The following EDA variants were observed in gnomAD, a reference collection of about 807,000 sequenced individuals.
The protein encoded by EDA is ectodysplasin A.
A neutral mutation model predicts 23.6 loss-of-function variants in EDA; 2 were observed. The observed-to-expected ratio is 0.08, with a 90% CI of 0.03 to 0.27. The LOEUF is 0.27. Ranked by LOEUF, EDA falls within the 10% of genes least tolerant of loss-of-function variation. EDA has a pLI of 1.00. For missense variants in EDA, 229 were observed against 324.2 expected (o/e 0.71, Z 2.26); for synonymous variants, 131 against 132.0 (o/e 0.99, Z 0.05).
At chrX:70,029,170 G>A (rs2020164231) in intron 4 of EDA, among the ~76,000 whole-genome samples, 1 of 112,856 alleles carries the variant, frequency 8.9e-6, no homozygotes, top group Admixed American at 9.3e-5. Flanking sequence ...CAAAACACTA[G>A]AGAAGCCAAT....
intron 1 of EDA, among the ~76,000 whole-genome samples, chrX:69,715,065 T>C (rs1602327252): frequency 5.2e-4 from 1 of 1,933 alleles, no homozygotes; most frequent in Non-Finnish European, 1.6e-3. Flanking sequence ...TTTCAACCCA[T>C]TTTTTTTTTT....
chrX:69,768,276 G>A (rs2014528915), intron 1 of EDA, among the ~76,000 whole-genome samples: 2 of 111,708 alleles, frequency 1.8e-5, no homozygotes, highest in South Asian at 7.4e-4. Flanking sequence ...ACAAACCTAA[G>A]TACATTGAGA....
At chrX:69,753,213 T>A (rs982671481) in intron 1 of EDA, among the ~76,000 whole-genome samples, 3 of 112,117 alleles carry the variant, frequency 2.7e-5, no homozygotes, top group African/African-American at 9.7e-5. Context: ...TGTGGTCATT[T>A]AGTGCTATGA....
chrX:70,024,570 G>GT (rs2020082528), intron 3 of EDA, among the ~76,000 whole-genome samples: 1 of 112,765 alleles, frequency 8.9e-6, no homozygotes, highest in Non-Finnish European at 1.9e-5. Flanking sequence ...CTGCTACCTT[G>GT]TGTACGGGAC....
intron 1 of EDA, among the ~76,000 whole-genome samples, chrX:69,659,627 G>A (rs771017141): frequency 1.8e-5 from 2 of 112,095 alleles, no homozygotes; most frequent in Non-Finnish European, 3.8e-5. Context: ...GAAAGTGTGC[G>A]TAATGCCCTT....
At chrX:69,768,895 G>A (rs980897116) in intron 1 of EDA, among the ~76,000 whole-genome samples, 1 of 111,632 alleles carries the variant, frequency 9.0e-6, no homozygotes, top group Non-Finnish European at 1.9e-5. Context: ...TCATCATTCA[G>A]TTCACAATCT....
In EDA at chrX:69,864,118, A is replaced by G. The variant is rs113981572; in HGVS notation, c.397-92909A>G. ...TTTGTTTTATAGAAGTATAATTTAC[A>G]TACAGCAAATGTTGCCTTTTAAATT... On this transcript the variant is annotated intron_variant, in intron 1 of 7. Transcript: ENST00000374552. Among the ~76,000 whole-genome samples the G allele has an allele frequency of 4.2e-3, 472 of 111,615 alleles. 2 individuals are homozygous for G. The highest frequency in any genetic ancestry group is 9.3e-3 in the Middle Eastern group (2 of 215).
intron 1 of EDA, among the ~76,000 whole-genome samples, chrX:69,650,604 A>G (rs1933074422): frequency 8.9e-6 from 1 of 112,388 alleles, no homozygotes; most frequent in South Asian, 3.7e-4. Context: ...AAGAAATGAT[A>G]AATGTTTGAG....
At chrX:69,936,672 T>A (rs2018678088) in intron 1 of EDA, among the ~76,000 whole-genome samples, 1 of 111,550 alleles carries the variant, frequency 9.0e-6, no homozygotes, top group South Asian at 3.8e-4. Flanking sequence ...AGGTTTTGAG[T>A]TAGAATCACT....
chrX:69,696,056 A>G (rs896134766), intron 1 of EDA, among the ~76,000 whole-genome samples: 1 of 110,272 alleles, frequency 9.1e-6, no homozygotes, highest in African/African-American at 3.3e-5. Context: ...CCTGACCAAC[A>G]TAGTGAAACC....
In EDA at chrX:70,025,536, G is replaced by A. The variant is rs193133211; in HGVS notation, c.526+2295G>A. Reference sequence around the variant, plus strand: ...TTGAGGCCAAGCTCCTTGTTTCACAGATGTAGAAACTAAGGCTCAAGGAGA... The same window carrying A: ...TTGAGGCCAAGCTCCTTGTTTCACAAATGTAGAAACTAAGGCTCAAGGAGA... On this transcript the variant is annotated intron_variant, in intron 3 of 7. Coordinates refer to ENST00000374552, the MANE Select transcript of EDA (RefSeq NM_001399.5). 3.2e-3 allele frequency among the ~76,000 whole-genome samples: 359 copies of A among 111,884 alleles called. 1 individual carries two copies. Among genetic ancestry groups the A allele is most frequent in the Non-Finnish European group, 5.7e-3 (305 of 53,219 alleles).
chrX:69,801,986 A>G (rs1007237273), intron 1 of EDA, among the ~76,000 whole-genome samples: 2 of 111,789 alleles, frequency 1.8e-5, no homozygotes, highest in African/African-American at 6.5e-5. Flanking sequence ...TGAATGACCC[A>G]GGCACTTTTA....
At chrX:69,674,135 C>CTATCTATT (rs1035759055) in intron 1 of EDA, among the ~76,000 whole-genome samples, 2 of 108,666 alleles carry the variant, frequency 1.8e-5, no homozygotes, top group African/African-American at 7.0e-5. Flanking sequence ...ATCTATCTAT[C>CTATCTATT]TATCTATCTA....
chrX:69,820,628 CAT>C (rs988310345), intron 1 of EDA, among the ~76,000 whole-genome samples: 2 of 111,806 alleles, frequency 1.8e-5, no homozygotes, highest in African/African-American at 6.5e-5. Context: ...GGCCAACAAA[CAT>C]AAAAAATGTT....
intron 1 of EDA, among the ~76,000 whole-genome samples, chrX:69,769,556 A>T (rs917631463): frequency 2.7e-5 from 3 of 110,955 alleles, no homozygotes; most frequent in African/African-American, 6.5e-5. Flanking sequence ...TCATCTTGTC[A>T]TTTGCTTTTT....
intron 2 of EDA, among the ~76,000 whole-genome samples, chrX:70,015,056 G>A (rs185130447): frequency 5.9e-4 from 66 of 111,234 alleles, no homozygotes; most frequent in Non-Finnish European, 1.1e-3. Flanking sequence ...TCAAAGCCAG[G>A]AAATGCAGAA....
Position 69,616,409 on chromosome X carries a change from C to T in EDA, c.101C>T (p.Ala34Val). The T allele has an allele frequency of 1.7e-6, 2 of 1,208,180 alleles. No homozygotes were observed. Among genetic ancestry groups the T allele is most frequent in the Non-Finnish European group, 2.2e-6 (2 of 894,884 alleles). ...GGGTGTGGCGGGGCCCCTGCCCGGG[C>T]GGGCGAAGGGAACAGCTGCCTGCTC... ...GCGCGGAPAR[A>V]GEGNSCLLFL... The change falls in exon 1 of 8, where the codon GCG (alanine) becomes GTG (valine). Residue 34 changes from alanine (A) to valine (V), a missense_variant. Physicochemically the swap from Ala to Val is moderately conservative, Grantham distance 64. Around this residue, in one of 2 missense-constraint regions of EDA, gnomAD observed 54 missense variants for 42.4 expected, o/e 1.27. Coordinates refer to ENST00000374552, the MANE Select transcript of EDA (RefSeq NM_001399.5).
intron 1 of EDA, among the ~76,000 whole-genome samples, chrX:69,681,110 G>C (rs959403488): frequency 9.0e-6 from 1 of 110,816 alleles, no homozygotes; most frequent in African/African-American, 3.3e-5. Context: ...TGAAATTCTG[G>C]GTTGAAGATT....
intron 1 of EDA, among the ~76,000 whole-genome samples, chrX:69,933,507 C>T (rs1332753977): frequency 6.3e-5 from 7 of 110,968 alleles, no homozygotes; most frequent in Non-Finnish European, 1.9e-5. Context: ...TGGTGAAACA[C>T]CGTCTCTACT....
Sources: gnomAD v4.1 joint callset for allele counts (sites outside exome capture counted in the v4.1 genomes callset) on GRCh38, gnomAD v4.1.1 for gene constraint, gnomAD v4.1.1 regional missense constraint, MANE v1.5 for transcripts, NCBI Gene and HGNC (gene_info 2026-07-23, HGNC 2026-07-21) for gene names.